The following KSR2 variants were observed in gnomAD, a reference collection of about 807,000 sequenced individuals.
KSR2 encodes the protein kinase suppressor of ras 2.
In KSR2, 25 loss-of-function variants were observed where a neutral mutation model predicts 107.8. That is an observed-to-expected ratio of 0.23 (90% CI 0.17 to 0.32). KSR2 has a LOEUF of 0.32. Ranked by LOEUF, KSR2 falls within the 10% of genes least tolerant of loss-of-function variation. The pLI, the probability that KSR2 is intolerant of heterozygous loss-of-function variation, is 1.00. For missense variants in KSR2, 887 were observed against 1,268.9 expected (o/e 0.70, Z 4.57); for synonymous variants, 480 against 507.0 (o/e 0.95, Z 0.71).
chr12:117,711,287 T>TG (rs1886767415), intron 4 of KSR2, among the ~76,000 whole-genome samples: 1 of 152,106 alleles, frequency 6.6e-6, no homozygotes, highest in Admixed American at 6.6e-5. Context: ...GCTCTCTGAG[T>TG]GGCTGAAACT....
At chr12:117,862,345 A>G (rs1276961010) in intron 1 of KSR2, among the ~76,000 whole-genome samples, 1 of 152,168 alleles carries the variant, frequency 6.6e-6, no homozygotes, top group African/African-American at 2.4e-5. Flanking sequence ...AACATTTATC[A>G]AGAACAAAGT....
chr12:117,859,183 A>G (rs1326270038), intron 2 of KSR2, among the ~76,000 whole-genome samples: 4 of 122,940 alleles, frequency 3.3e-5, no homozygotes, highest in African/African-American at 1.3e-4. Flanking sequence ...GTCTTTCTCT[A>G]CACCCAGGCT....
intron 1 of KSR2, among the ~76,000 whole-genome samples, chr12:117,905,042 C>T (rs1451313013): frequency 2.0e-5 from 3 of 152,012 alleles, no homozygotes; most frequent in African/African-American, 2.4e-5. Flanking sequence ...ATTAGCCAGG[C>T]GTGGTGGTGT....
intron 4 of KSR2, among the ~76,000 whole-genome samples, chr12:117,696,045 G>A (rs182675525): frequency 5.9e-5 from 9 of 152,258 alleles, no homozygotes; most frequent in East Asian, 5.8e-4. Flanking sequence ...GTTAAATATC[G>A]TTTCTAGCTG....
intron 5 of KSR2, 80 bp from the exon 6 acceptor site, chr12:117,582,439 G>T: frequency 9.5e-7 from 1 of 1,052,594 alleles, no homozygotes; most frequent in African/African-American, 1.6e-5. Flanking sequence ...AAGGAAAAGG[G>T]GGGCTCGTCA....
intron 5 of KSR2, among the ~76,000 whole-genome samples, chr12:117,639,141 T>A (rs1948746714): frequency 1.3e-5 from 2 of 152,128 alleles, no homozygotes; most frequent in Admixed American, 6.5e-5. Flanking sequence ...CATCTTGATA[T>A]CTGAGCTTTG....
chr12:117,563,553 G>A (rs1878263386), intron 7 of KSR2, among the ~76,000 whole-genome samples: 1 of 152,112 alleles, frequency 6.6e-6, no homozygotes. Flanking sequence ...CAAGTAAGGT[G>A]CCCAGAACAA....
At chr12:117,636,135 CT>C (rs1565937559) in intron 5 of KSR2, among the ~76,000 whole-genome samples, 11 of 152,196 alleles carry the variant, frequency 7.2e-5, no homozygotes, top group African/African-American at 2.6e-4. Context: ...TTGGATTTTA[CT>C]CATCTTCCAC....
Position 117,890,220 on chromosome 12 carries a change from C to A in KSR2, c.181-29789G>T, listed in dbSNP as rs186221436. Among the ~76,000 whole-genome samples, 179 of 152,282 alleles carry A rather than the reference C, an allele frequency of 1.2e-3. 2 individuals carry two copies. Among genetic ancestry groups the A allele is most frequent in the African/African-American group, 4.1e-3 (171 of 41,544 alleles). On this transcript the variant is annotated intron_variant, in intron 1 of 19. Transcript: ENST00000339824. ...TCTTCCTATCTTATGTCTTTGAGAT[C>A]TAAGGCTCTGAAGGAAGAGAAGTGT...
At chr12:117,583,632 C>A (rs1198600125) in intron 5 of KSR2, among the ~76,000 whole-genome samples, 6 of 152,142 alleles carry the variant, frequency 3.9e-5, no homozygotes, top group Admixed American at 3.9e-4. Flanking sequence ...ACTATCACTC[C>A]ATTACAGACT....
chr12:117,569,148 C>CA (rs961377466), intron 7 of KSR2, among the ~76,000 whole-genome samples: 3 of 151,854 alleles, frequency 2.0e-5, no homozygotes, highest in African/African-American at 4.8e-5. Context: ...AGCGATTTTG[C>CA]AAAAAAATTG....
chr12:117,535,115 A>G (rs1437239452), intron 10 of KSR2, among the ~76,000 whole-genome samples: 3 of 152,222 alleles, frequency 2.0e-5, no homozygotes, highest in Non-Finnish European at 4.4e-5. Context: ...GTCCAAACCT[A>G]GTGCCTAGTA....
chr12:117,694,129 AACACC>A (rs149276175), intron 4 of KSR2, among the ~76,000 whole-genome samples: 2,049 of 152,244 alleles, frequency 0.013, 47 homozygotes, highest in African/African-American at 0.046. Context: ...TGCTGTGGCA[AACACC>A]ACGGCAGTTC....
intron 4 of KSR2, among the ~76,000 whole-genome samples, chr12:117,688,069 C>T (rs1483128746): frequency 7.7e-6 from 1 of 129,368 alleles, no homozygotes; most frequent in Non-Finnish European, 1.8e-5. Context: ...ACCTTTAAAG[C>T]TGAATTCCCT....
chr12:117,850,403 G>A (rs930866178), intron 3 of KSR2, among the ~76,000 whole-genome samples: 5 of 152,188 alleles, frequency 3.3e-5, no homozygotes, highest in African/African-American at 7.2e-5. Context: ...AGGGATGTGA[G>A]TACCAAGATG....
At chr12:117,840,597 T>C (rs1325103742) in intron 3 of KSR2, among the ~76,000 whole-genome samples, 1 of 151,454 alleles carries the variant, frequency 6.6e-6, no homozygotes, top group Non-Finnish European at 1.5e-5. Flanking sequence ...GGTTTCACCA[T>C]TTTGGCCAGG....
intron 14 of KSR2, among the ~76,000 whole-genome samples, chr12:117,518,038 T>C (rs1349311111): frequency 6.6e-6 from 1 of 152,180 alleles, no homozygotes; most frequent in East Asian, 1.9e-4. Flanking sequence ...AAATAATCTA[T>C]TAAGTAGTTC....
chr12:117,968,314 G>GC lies in KSR2; in HGVS notation c.-60_-59insG. 4.1e-6 allele frequency: 6 copies of GC among 1,453,652 alleles called. No homozygotes were observed. Among genetic ancestry groups the GC allele is most frequent in the Non-Finnish European group, 5.4e-6 (6 of 1,110,752 alleles). The allele number at this position is 1,453,652 out of a possible 1,614,324, so 90.0% of individuals were successfully genotyped here. A position where few individuals can be genotyped will look rare whatever the true frequency, so the allele number is the denominator to read the frequency against. On this transcript the variant is annotated 5_prime_UTR_variant, in exon 1 of 20. Transcript: ENST00000339824. Reference sequence around the variant, plus strand: ...CTCCCAGAGAGAAAAAAGAGGGGGGGGAGTAGAGGTAGTCTACCCTCCGCC... The same window carrying GC: ...CTCCCAGAGAGAAAAAAGAGGGGGGGCGAGTAGAGGTAGTCTACCCTCCGCC...
rs142351788 is a variant in KSR2, at chr12:117,774,305, G to A, written c.473-12781C>T. Among the ~76,000 whole-genome samples, 36 of 152,246 alleles carry A rather than the reference G, an allele frequency of 2.4e-4. 1 individual carries two copies. In the East Asian group the frequency reaches 5.6e-3, roughly 24 times the overall value. ...GTTTGTCATCCTTGCAAAAAGAAGC[G>A]AATAAGGACAAATGAAAAACATACA... On this transcript the variant is annotated intron_variant, in intron 3 of 19. Coordinates refer to ENST00000339824, the MANE Select transcript of KSR2 (RefSeq NM_173598.6).
Sources: gnomAD v4.1 joint callset for allele counts (sites outside exome capture counted in the v4.1 genomes callset) on GRCh38, gnomAD v4.1.1 for gene constraint, MANE v1.5 for transcripts, NCBI Gene and HGNC (gene_info 2026-07-23, HGNC 2026-07-21) for gene names.